Variants in NXPE2 observed in about 807,000 individuals in gnomAD.
NXPE2 encodes NXPE family member 2.
NXPE2 carries 34 observed loss-of-function variants against 34.4 expected under a neutral mutation model. The ratio of observed to expected loss-of-function variants is 0.99; its 90% CI spans 0.75 to 1.31. The LOEUF is 1.31. Ranked by LOEUF, NXPE2 falls within the 40% of genes most tolerant of loss-of-function variation. The probability of loss-of-function intolerance (pLI) is 0.00; values close to 1 mark genes in which losing one functional copy is unlikely to be tolerated. For synonymous variants in NXPE2, 235 were observed against 231.3 expected, an observed-to-expected ratio of 1.02 and a Z score of -0.15; for missense variants, 649 against 672.5, an observed-to-expected ratio of 0.97 and a Z score of 0.39.
the NXPE2 span, among the ~76,000 whole-genome samples, chr11:114,543,519 T>TAAAA: frequency 1.4e-5 from 2 of 146,956 alleles, no homozygotes; most frequent in African/African-American, 5.0e-5. Flanking sequence ...AGACCCTGTT[T>TAAAA]AAAAAAAAAA....
chr11:114,734,988 T>C, the NXPE2 span, among the ~76,000 whole-genome samples: 1 of 152,168 alleles, frequency 6.6e-6, no homozygotes, highest in East Asian at 1.9e-4. Context: ...TGGGTGCCTG[T>C]AGTCCAGGCT....
chr11:114,547,384 T>G, the NXPE2 span, among the ~76,000 whole-genome samples: 11 of 152,198 alleles, frequency 7.2e-5, no homozygotes, highest in African/African-American at 2.4e-4. Context: ...AGACCACTGT[T>G]CCTTAAAACT....
chr11:114,694,261 T>C (rs1364397230), intron 2 of NXPE2, among the ~76,000 whole-genome samples: 1 of 152,270 alleles, frequency 6.6e-6, no homozygotes, highest in Non-Finnish European at 1.5e-5. Flanking sequence ...AATTCCCTTT[T>C]GCCATGTAAC....
chr11:114,548,763 G>A, the NXPE2 span, among the ~76,000 whole-genome samples: 1 of 151,328 alleles, frequency 6.6e-6, no homozygotes, highest in Non-Finnish European at 1.5e-5. Flanking sequence ...GGAAAACAGA[G>A]TAAATCAAAA....
the NXPE2 span, among the ~76,000 whole-genome samples, chr11:114,477,931 C>A: frequency 6.6e-6 from 1 of 151,994 alleles, no homozygotes; most frequent in Non-Finnish European, 1.5e-5. Flanking sequence ...CTTTGGTGAT[C>A]GGAGTGATCT....
the NXPE2 span, among the ~76,000 whole-genome samples, chr11:114,640,482 A>G: frequency 6.6e-6 from 1 of 151,496 alleles, no homozygotes; most frequent in African/African-American, 2.4e-5. Flanking sequence ...AAGTAGTGGG[A>G]TTGCTGCAGT....
chr11:114,617,271 T>C, the NXPE2 span, among the ~76,000 whole-genome samples: 3 of 152,124 alleles, frequency 2.0e-5, no homozygotes, highest in African/African-American at 7.2e-5. Flanking sequence ...ATGATAAATA[T>C]TGCCTCGTGG....
the NXPE2 span, among the ~76,000 whole-genome samples, chr11:114,544,850 C>G: frequency 6.6e-6 from 1 of 151,932 alleles, no homozygotes; most frequent in Non-Finnish European, 1.5e-5. Context: ...CTAGAATATA[C>G]AAAGAACTCT....
At chr11:114,774,005 C>T in the NXPE2 span, among the ~76,000 whole-genome samples, 2 of 152,258 alleles carry the variant, frequency 1.3e-5, no homozygotes, top group African/African-American at 4.8e-5. Flanking sequence ...ATCTCTCTCT[C>T]TACGGCCCTC....
At chr11:114,553,671 C>T in the NXPE2 span, 67 of 971,200 alleles carry the variant, frequency 6.9e-5, no homozygotes, top group East Asian at 2.4e-3. Context: ...TCATTTATTC[C>T]GAAATCAATG....
chr11:114,583,044 A>C, the NXPE2 span: 1 of 1,584,254 alleles, frequency 6.3e-7, no homozygotes, highest in Non-Finnish European at 8.6e-7. Context: ...CAAATGTGAC[A>C]TGAGATGGAT....
At chr11:114,804,906 C>G in the NXPE2 span, among the ~76,000 whole-genome samples, 1 of 152,186 alleles carries the variant, frequency 6.6e-6, no homozygotes, top group Non-Finnish European at 1.5e-5. Flanking sequence ...TATCCAGATC[C>G]TATGGATTAG....
chr11:114,698,136 T>C lies in NXPE2; in HGVS notation c.224T>C (p.Val75Ala), dbSNP rs1187350201. The C allele has an allele frequency of 1.9e-6, 3 of 1,614,026 alleles. No individual in the cohort carries two copies. The East Asian group carries it at 6.7e-5, about 36-fold the overall frequency. ...SHSETPLCPA[V>A]SPKETELRIK... ...TCTGAAACACCACTGTGTCCAGCAG[T>C]TTCACCAAAAGAGACTGAACTTAGA... The change falls in exon 3 of 6, where the codon GTT becomes GCT. Residue 75 changes from valine to alanine, a missense_variant. Val to Ala is a moderately conservative substitution (Grantham distance 64). Coordinates refer to ENST00000389586, the MANE Select transcript of NXPE2 (RefSeq NM_182495.6).
intron 2 of NXPE2, among the ~76,000 whole-genome samples, chr11:114,681,543 A>C (rs929160660): frequency 6.6e-6 from 1 of 152,138 alleles, no homozygotes; most frequent in African/African-American, 2.4e-5. Context: ...CCAGGTTTTC[A>C]TGTAACTTCC....
chr11:114,621,063 C>T, the NXPE2 span, among the ~76,000 whole-genome samples: 1 of 152,102 alleles, frequency 6.6e-6, no homozygotes, highest in East Asian at 1.9e-4. Context: ...TCGTTGGTAA[C>T]CACTATTACC....
the NXPE2 span, among the ~76,000 whole-genome samples, chr11:114,623,395 C>T: frequency 6.6e-6 from 1 of 151,958 alleles, no homozygotes; most frequent in Non-Finnish European, 1.5e-5. Flanking sequence ...AAGTATTGCG[C>T]AGTGGGTACC....
chr11:114,542,924 C>T, the NXPE2 span, among the ~76,000 whole-genome samples: 1 of 152,120 alleles, frequency 6.6e-6, no homozygotes, highest in Non-Finnish European at 1.5e-5. Context: ...ATATTTACCA[C>T]ATCAATAAAT....
the NXPE2 span, among the ~76,000 whole-genome samples, chr11:114,498,955 C>G: frequency 1.3e-5 from 2 of 151,968 alleles, no homozygotes; most frequent in Non-Finnish European, 2.9e-5. Context: ...ATTTAAATTG[C>G]ATGTTAATTG....
the NXPE2 span, among the ~76,000 whole-genome samples, chr11:114,773,948 G>A: frequency 3.3e-5 from 5 of 152,130 alleles, no homozygotes; most frequent in Non-Finnish European, 5.9e-5. Flanking sequence ...ACGGCAGATC[G>A]CATGACTTCT....
Sources: allele counts gnomAD v4.1 joint callset (sites outside exome capture counted in the v4.1 genomes callset), GRCh38; gene constraint gnomAD v4.1.1; transcripts MANE v1.5; gene names NCBI Gene and HGNC (gene_info 2026-07-23, HGNC 2026-07-21).